The following SMARCC1 variants were observed in gnomAD, a reference collection of about 807,000 sequenced individuals.
The protein encoded by SMARCC1 is SWI/SNF related BAF chromatin remodeling complex subunit C1.
SMARCC1 carries 43 observed loss-of-function variants against 147.4 expected under a neutral mutation model. The observed-to-expected ratio is 0.29, with a 90% CI of 0.23 to 0.38. The LOEUF is 0.38. Among genes scored for constraint, SMARCC1 ranks in the 10% least tolerant of loss-of-function variants. The probability of loss-of-function intolerance (pLI) is 1.00; values close to 1 mark genes in which losing one functional copy is unlikely to be tolerated. For synonymous variants in SMARCC1, 495 were observed against 484.4 expected (o/e 1.02, Z -0.29); for missense variants, 1,119 against 1,381.1 (o/e 0.81, Z 3.01).
intron 2 of SMARCC1, among the ~76,000 whole-genome samples, chr3:47,756,620 T>C (rs1475713398): frequency 6.6e-6 from 1 of 152,086 alleles, no homozygotes; most frequent in Non-Finnish European, 1.5e-5. Flanking sequence ...TAAATTGTTC[T>C]GTATCAGGAA....
At chr3:47,597,637 A>C (rs2106648080) in intron 26 of SMARCC1, among the ~76,000 whole-genome samples, 1 of 151,876 alleles carries the variant, frequency 6.6e-6, no homozygotes, top group South Asian at 2.1e-4. Flanking sequence ...ACGCCAGCTA[A>C]TTTTTTATAG....
Position 47,716,415 on chromosome 3 carries a change from C to CAAA in SMARCC1, c.717-1928_717-1926dup, listed in dbSNP as rs776727634. Among the ~76,000 whole-genome samples, 78 of 51,786 alleles carry CAAA rather than the reference C, an allele frequency of 1.5e-3. 1 individual carries two copies. Among genetic ancestry groups the CAAA allele is most frequent in the East Asian group, 5.6e-3 (9 of 1,616 alleles). 34.0% of individuals were successfully genotyped at this position (51,786 alleles called of 152,430 possible). ...CCTGGGTGAGAGTGAGACTCCATCT[C>CAAA]AAAAAAAAAAAAAAAAAAAAAAAAC... On this transcript the variant is annotated intron_variant, in intron 7 of 27. Transcript: ENST00000254480.
chr3:47,729,224 C>A (rs1252926374), intron 5 of SMARCC1, 130 bp from the exon 6 acceptor site: 2 of 602,954 alleles, frequency 3.3e-6, no homozygotes, highest in Admixed American at 3.2e-5. Flanking sequence ...AAAAGACTTG[C>A]TTCTTTTTAG....
chr3:47,706,684 A>T (rs1177642046), intron 9 of SMARCC1, among the ~76,000 whole-genome samples, 154 bp from the exon 10 acceptor site: 2 of 152,248 alleles, frequency 1.3e-5, no homozygotes, highest in African/African-American at 2.4e-5. Context: ...CAGGAACACC[A>T]GTAATCAAGA....
chr3:47,673,279 C>T (rs2033525112), intron 18 of SMARCC1, among the ~76,000 whole-genome samples: 1 of 150,266 alleles, frequency 6.7e-6, no homozygotes, highest in Non-Finnish European at 1.5e-5. Flanking sequence ...AATCCCACCA[C>T]TTTGGGAGGC....
intron 25 of SMARCC1, among the ~76,000 whole-genome samples, chr3:47,618,504 C>T (rs1161695173): frequency 6.6e-6 from 1 of 151,788 alleles, no homozygotes; most frequent in Non-Finnish European, 1.5e-5. Context: ...GCTATGACTG[C>T]ACCACTGCAC....
intron 1 of SMARCC1, among the ~76,000 whole-genome samples, chr3:47,780,158 G>GTTT (rs1251165275): frequency 2.9e-4 from 15 of 51,564 alleles, no homozygotes; most frequent in East Asian, 1.5e-3. Context: ...TGGGTCTTTG[G>GTTT]TTTTTTTTTG....
chr3:47,662,299 T>C, intron 20 of SMARCC1, 35 bp downstream of exon 20: 3 of 1,580,316 alleles, frequency 1.9e-6, no homozygotes, highest in Non-Finnish European at 2.6e-6. Context: ...AAACTGAGTT[T>C]TTCTGTTGAG....
At chr3:47,750,843 C>G (rs1027517556) in intron 2 of SMARCC1, among the ~76,000 whole-genome samples, 1 of 151,886 alleles carries the variant, frequency 6.6e-6, no homozygotes, top group Non-Finnish European at 1.5e-5. Flanking sequence ...AATTTCTCAA[C>G]AGATATTAAA....
chr3:47,676,100 C>T (rs1267398439), intron 17 of SMARCC1, among the ~76,000 whole-genome samples: 1 of 152,046 alleles, frequency 6.6e-6, no homozygotes, highest in Non-Finnish European at 1.5e-5. Context: ...GAAAGGATAA[C>T]AAATTTTCAT....
chr3:47,617,908 G>C (rs909467349), intron 25 of SMARCC1, among the ~76,000 whole-genome samples: 29 of 152,264 alleles, frequency 1.9e-4, no homozygotes, highest in African/African-American at 6.7e-4. Context: ...ACATTATAAA[G>C]AACATTATAG....
At chr3:47,715,312 T>TCAA (rs1018210474) in intron 7 of SMARCC1, among the ~76,000 whole-genome samples, 5 of 152,148 alleles carry the variant, frequency 3.3e-5, no homozygotes, top group African/African-American at 1.2e-4. Flanking sequence ...CACTCAAAGC[T>TCAA]CAACTTGCAA....
At chr3:47,742,273 G>GAA (rs779000438) in intron 3 of SMARCC1, among the ~76,000 whole-genome samples, 2 of 123,292 alleles carry the variant, frequency 1.6e-5, no homozygotes, top group Non-Finnish European at 1.8e-5. Context: ...TCTCAAAAAA[G>GAA]AAAAAAAAAA....
At position 47,622,335 on chromosome 3, in the gene SMARCC1, C is replaced by A; in HGVS notation, c.2653G>T (p.Ala885Ser). ...ASAATKAKHL[A>S]AVEERKIKSL... ...TTGATCTTTCTTTCTTCCACTGCAGCCAGGTGCTAAGGGTACAAGATCATT... is the reference window on the plus strand; with the variant it reads ...TTGATCTTTCTTTCTTCCACTGCAGACAGGTGCTAAGGGTACAAGATCATT... The change falls in exon 25 of 28, where the codon GCT (alanine) becomes TCT (serine). Residue 885 changes from alanine to serine, a missense_variant. By Grantham distance (99) the Ala-to-Ser change is moderately conservative (BLOSUM62 1). Transcript: ENST00000254480. 1.2e-6 allele frequency: 2 copies of A among 1,613,582 alleles called. No individual in the cohort carries two copies. The highest frequency in any genetic ancestry group is 1.7e-6 in the Non-Finnish European group (2 of 1,179,788).
chr3:47,661,851 G>A (rs2033351609), intron 20 of SMARCC1, among the ~76,000 whole-genome samples: 1 of 152,100 alleles, frequency 6.6e-6, no homozygotes, highest in Non-Finnish European at 1.5e-5. Flanking sequence ...TACAATTAAT[G>A]TGTAACCCAT....
At chr3:47,594,516 G>A (rs1306201529) in intron 26 of SMARCC1, among the ~76,000 whole-genome samples, 1 of 152,126 alleles carries the variant, frequency 6.6e-6, no homozygotes, top group Non-Finnish European at 1.5e-5. Flanking sequence ...GCCAATCTAG[G>A]GACTGATTCA....
intron 21 of SMARCC1, among the ~76,000 whole-genome samples, chr3:47,647,873 T>C (rs1465620255): frequency 6.6e-6 from 1 of 152,250 alleles, no homozygotes; most frequent in East Asian, 1.9e-4. Flanking sequence ...GAACTTTGTA[T>C]TGTGGCCAAT....
chr3:47,701,220 T>A, intron 11 of SMARCC1, 58 bp downstream of exon 11: 1 of 1,475,896 alleles, frequency 6.8e-7, no homozygotes, highest in South Asian at 1.2e-5. Flanking sequence ...AATCATCCCA[T>A]GGTATTGCTG....
intron 5 of SMARCC1, among the ~76,000 whole-genome samples, chr3:47,729,638 G>C (rs1403923319): frequency 6.6e-6 from 1 of 152,138 alleles, no homozygotes; most frequent in Non-Finnish European, 1.5e-5. Flanking sequence ...TGCCTGCCTT[G>C]GCCTTCCAAA....
Sources: allele counts gnomAD v4.1 joint callset (sites outside exome capture counted in the v4.1 genomes callset), GRCh38; gene constraint gnomAD v4.1.1; transcripts MANE v1.5; gene names NCBI Gene and HGNC (gene_info 2026-07-23, HGNC 2026-07-21).